CFDP1: variants seen among roughly 807,000 people sequenced by gnomAD.
CFDP1 encodes heterochromatin-stabilizing protein CFDP1.
In CFDP1, 31 loss-of-function variants were observed where a neutral mutation model predicts 40.1. The ratio of observed to expected loss-of-function variants is 0.77; its 90% CI spans 0.58 to 1.04. The LOEUF is 1.04. Ranked by LOEUF, CFDP1 falls within the 50% of genes least tolerant of loss-of-function variation. The pLI is 0.00. For synonymous variants in CFDP1, 167 were observed against 120.0 expected (o/e 1.39, Z -2.56); for missense variants, 423 against 343.4 (o/e 1.23, Z -1.83).
At chr16:75,300,228 G>T (rs1421654001) in intron 6 of CFDP1, among the ~76,000 whole-genome samples, 1 of 152,178 alleles carries the variant, frequency 6.6e-6, no homozygotes, top group Admixed American at 6.5e-5. Context: ...ATTTTGTGAT[G>T]AAACCATCAA....
At chr16:75,339,998 G>T (rs931289826) in intron 5 of CFDP1, among the ~76,000 whole-genome samples, 6 of 152,046 alleles carry the variant, frequency 3.9e-5, no homozygotes, top group Admixed American at 1.3e-4. Context: ...GATTTTTCTG[G>T]TTTTGTTTAT....
chr16:75,330,209 G>C (rs1189054257), intron 5 of CFDP1, among the ~76,000 whole-genome samples: 3 of 152,180 alleles, frequency 2.0e-5, no homozygotes, highest in Non-Finnish European at 2.9e-5. Context: ...TTATGGCTTG[G>C]AGATAAACTG....
At chr16:75,400,038 T>G (rs1264474786) in intron 4 of CFDP1, among the ~76,000 whole-genome samples, 1 of 145,368 alleles carries the variant, frequency 6.9e-6, no homozygotes, top group African/African-American at 2.6e-5. Flanking sequence ...GAGGTGGAGG[T>G]TGCGGTGAGC....
chr16:75,294,696 T>C (rs2078169849), intron 6 of CFDP1, among the ~76,000 whole-genome samples: 1 of 152,136 alleles, frequency 6.6e-6, no homozygotes, highest in African/African-American at 2.4e-5. Flanking sequence ...TGTTTGCGTC[T>C]AGGTTGCTTC....
At chr16:75,369,979 G>A (rs550152000) in intron 5 of CFDP1, among the ~76,000 whole-genome samples, 153 of 152,176 alleles carry the variant, frequency 1.0e-3, no homozygotes, top group African/African-American at 3.2e-3. Context: ...TCACCATGTC[G>A]TCCAGGCTGG....
intron 5 of CFDP1, among the ~76,000 whole-genome samples, chr16:75,361,880 T>C (rs1406939085): frequency 6.6e-6 from 1 of 152,116 alleles, no homozygotes; most frequent in African/African-American, 2.4e-5. Flanking sequence ...AGAATTTTAC[T>C]ATTATTTTTC....
chr16:75,423,872 A>G (rs1467103360), intron 1 of CFDP1, among the ~76,000 whole-genome samples: 1 of 152,110 alleles, frequency 6.6e-6, no homozygotes, highest in Admixed American at 6.6e-5. Flanking sequence ...GCCTTTTTCC[A>G]AATATTTTCT....
At chr16:75,369,500 C>T (rs1167736847) in intron 5 of CFDP1, among the ~76,000 whole-genome samples, 1 of 152,158 alleles carries the variant, frequency 6.6e-6, no homozygotes, top group Non-Finnish European at 1.5e-5. Flanking sequence ...TACATTTAGA[C>T]ACATGGCTTC....
chr16:75,297,851 A>G (rs1172179251), intron 6 of CFDP1, among the ~76,000 whole-genome samples: 1 of 152,218 alleles, frequency 6.6e-6, no homozygotes, highest in African/African-American at 2.4e-5. Flanking sequence ...ATCTAGGCCA[A>G]TGAAAAGGGA....
In CFDP1 at chr16:75,293,866, T is replaced by G; in HGVS notation, c.*86A>C. On this transcript the variant is annotated 3_prime_UTR_variant, in exon 7 of 7. Coordinates refer to ENST00000283882, the MANE Select transcript of CFDP1 (RefSeq NM_006324.3). ...AAAGACCTTGCTGGGAAACAGATGATGAGAAACACTGTAAAACATTTCACA... is the reference window on the plus strand; with the variant it reads ...AAAGACCTTGCTGGGAAACAGATGAGGAGAAACACTGTAAAACATTTCACA... The G allele has an allele frequency of 9.1e-7, 1 of 1,095,004 alleles. No individual in the cohort carries two copies. The highest frequency in any genetic ancestry group is 1.4e-6 in the Non-Finnish European group (1 of 735,908). The allele number at this position is 1,095,004 out of a possible 1,614,324, so 67.8% of individuals were successfully genotyped here.
At chr16:75,414,393 G>C (rs949878029) in intron 2 of CFDP1, among the ~76,000 whole-genome samples, 185 bp downstream of exon 2, 5 of 152,078 alleles carry the variant, frequency 3.3e-5, no homozygotes, top group African/African-American at 1.2e-4. Flanking sequence ...TTACATTAAA[G>C]CTCAAAATGT....
intron 5 of CFDP1, among the ~76,000 whole-genome samples, chr16:75,315,400 C>T (rs1335690711): frequency 2.9e-5 from 4 of 137,492 alleles, no homozygotes; most frequent in African/African-American, 5.3e-5. Flanking sequence ...AATGATGATA[C>T]TCAATAACGA....
intron 6 of CFDP1, among the ~76,000 whole-genome samples, chr16:75,294,416 C>T (rs2078167364): frequency 6.6e-6 from 1 of 152,210 alleles, no homozygotes; most frequent in African/African-American, 2.4e-5. Context: ...CTTTTCTCTA[C>T]AGCAGCATGG....
intron 1 of CFDP1, among the ~76,000 whole-genome samples, chr16:75,431,739 G>A (rs1160508511): frequency 2.0e-5 from 3 of 152,182 alleles, no homozygotes; most frequent in African/African-American, 7.2e-5. Flanking sequence ...AAGTGTTTGT[G>A]TGTGTGTTTG....
At chr16:75,314,657 T>C (rs2078313466) in intron 5 of CFDP1, among the ~76,000 whole-genome samples, 1 of 152,226 alleles carries the variant, frequency 6.6e-6, no homozygotes, top group Non-Finnish European at 1.5e-5. Context: ...TGAAAAATGA[T>C]AAATGACTAC....
chr16:75,346,882 G>GA (rs1274423747), intron 5 of CFDP1, among the ~76,000 whole-genome samples: 1 of 151,768 alleles, frequency 6.6e-6, no homozygotes, highest in African/African-American at 2.4e-5. Flanking sequence ...CCCCACTCCT[G>GA]AAAAAAAATT....
chr16:75,355,339 C>G (rs1416706083), intron 5 of CFDP1, among the ~76,000 whole-genome samples: 2 of 152,198 alleles, frequency 1.3e-5, no homozygotes, highest in African/African-American at 2.4e-5. Flanking sequence ...GCATTTTACC[C>G]AGAGTAAAAC....
At chr16:75,339,773 T>TC (rs1008797383) in intron 5 of CFDP1, among the ~76,000 whole-genome samples, 1 of 152,216 alleles carries the variant, frequency 6.6e-6, no homozygotes, top group Non-Finnish European at 1.5e-5. Context: ...TGATGCATGT[T>TC]CAGTCTGCCA....
intron 5 of CFDP1, among the ~76,000 whole-genome samples, chr16:75,359,451 G>A (rs919129826): frequency 1.3e-5 from 2 of 152,188 alleles, no homozygotes; most frequent in African/African-American, 4.8e-5. Context: ...ACGCTGTGAA[G>A]GGTATTAAGT....
Sources: allele counts gnomAD v4.1 joint callset (sites outside exome capture counted in the v4.1 genomes callset), GRCh38; gene constraint gnomAD v4.1.1; transcripts MANE v1.5; gene names NCBI Gene and HGNC (gene_info 2026-07-23, HGNC 2026-07-21).